TMOD1: variants seen among roughly 807,000 people sequenced by gnomAD.
TMOD1 encodes tropomodulin-1.
Under a neutral mutation model 40.6 loss-of-function variants are expected in TMOD1, and 17 were observed. That is an observed-to-expected ratio of 0.42 (90% CI 0.29 to 0.63). The LOEUF is 0.63. Among genes scored for constraint, TMOD1 ranks in the 20% least tolerant of loss-of-function variants. TMOD1 has a pLI of 0.22. For missense variants in TMOD1, 391 were observed against 447.6 expected, an observed-to-expected ratio of 0.87 and a Z score of 1.14; for synonymous variants, 181 against 175.0, an observed-to-expected ratio of 1.03 and a Z score of -0.27.
chr9:97,589,978 GT>G (rs897748413), intron 8 of TMOD1, among the ~76,000 whole-genome samples: 14 of 151,586 alleles, frequency 9.2e-5, no homozygotes, highest in Admixed American at 2.0e-4. Flanking sequence ...ATACTTAAAA[GT>G]TTTTTTTCTG....
At chr9:97,526,675 C>T (rs1168691597) in intron 2 of TMOD1, among the ~76,000 whole-genome samples, 1 of 152,036 alleles carries the variant, frequency 6.6e-6, no homozygotes, top group Admixed American at 6.6e-5. Context: ...GCTAACATCC[C>T]GGGAGCACAG....
chr9:97,595,020 A>G (rs930997137), intron 9 of TMOD1, among the ~76,000 whole-genome samples: 1 of 152,228 alleles, frequency 6.6e-6, no homozygotes, highest in Non-Finnish European at 1.5e-5. Flanking sequence ...ACCATTTTAC[A>G]GTATTCTCAG....
At chr9:97,547,760 T>G (rs905255724) in intron 3 of TMOD1, among the ~76,000 whole-genome samples, 1 of 152,162 alleles carries the variant, frequency 6.6e-6, no homozygotes, top group Non-Finnish European at 1.5e-5. Flanking sequence ...TGTGTGTCCT[T>G]CAGAGCAACT....
intron 1 of TMOD1, among the ~76,000 whole-genome samples, chr9:97,504,674 G>A (rs1017786400): frequency 3.9e-5 from 6 of 152,180 alleles, no homozygotes; most frequent in Non-Finnish European, 1.5e-5. Context: ...CAGTATCTGC[G>A]ATGGAGGATG....
At chr9:97,540,426 GGTTCCACCCTT>G (rs1288901666) in intron 2 of TMOD1, among the ~76,000 whole-genome samples, 1 of 152,058 alleles carries the variant, frequency 6.6e-6, no homozygotes, top group Non-Finnish European at 1.5e-5. Flanking sequence ...ATCAGATCAG[GGTTCCACCCTT>G]ATGACCTCAT....
chr9:97,553,244 C>T (rs1491002482), intron 3 of TMOD1, 37 bp from the exon 4 acceptor site: 2 of 1,612,282 alleles, frequency 1.2e-6, no homozygotes, highest in East Asian at 2.2e-5. Flanking sequence ...TGTTCCATTG[C>T]AGCCACTCCC....
intron 4 of TMOD1, chr9:97,555,691 C>T (rs761714651): frequency 6.4e-7 from 1 of 1,550,648 alleles, no homozygotes. Context: ...TTTTGACCAC[C>T]TACCATGTCC....
intron 1 of TMOD1, among the ~76,000 whole-genome samples, chr9:97,512,276 G>A (rs1829716446): frequency 6.6e-6 from 1 of 152,220 alleles, no homozygotes; most frequent in Non-Finnish European, 1.5e-5. Context: ...ACCAAGTGTT[G>A]ACAAGGTTGT....
At chr9:97,569,488 G>A (rs73656827) in intron 8 of TMOD1, among the ~76,000 whole-genome samples, 27,412 of 152,070 alleles carry the variant, frequency 0.18, 3,018 homozygotes, top group East Asian at 0.47. Flanking sequence ...CATTCAATGC[G>A]GCTTTTGAAT....
chr9:97,550,279 A>G (rs751004363), intron 3 of TMOD1, among the ~76,000 whole-genome samples: 4 of 152,226 alleles, frequency 2.6e-5, no homozygotes, highest in Non-Finnish European at 4.4e-5. Flanking sequence ...TCCACTGGTA[A>G]ACAGTCAGTT....
chr9:97,508,310 T>G (rs1328154995), intron 1 of TMOD1, among the ~76,000 whole-genome samples: 1 of 151,964 alleles, frequency 6.6e-6, no homozygotes, highest in African/African-American at 2.4e-5. Context: ...TATCTCAGCC[T>G]CCCGAGTAGC....
intron 2 of TMOD1, among the ~76,000 whole-genome samples, chr9:97,542,746 G>A (rs894884254): frequency 6.6e-6 from 1 of 151,926 alleles, no homozygotes; most frequent in Non-Finnish European, 1.5e-5. Flanking sequence ...CCAGCTACTG[G>A]GGAGGCTGAG....
chr9:97,553,508 C>A (rs972649866), intron 4 of TMOD1, 108 bp downstream of exon 4: 6 of 1,450,310 alleles, frequency 4.1e-6, no homozygotes, highest in Non-Finnish European at 5.7e-6. Flanking sequence ...CTATTTCTAA[C>A]AAGAACTAGA....
At chr9:97,545,010 C>CAAA (rs3052089) in intron 2 of TMOD1, among the ~76,000 whole-genome samples, 9,895 of 82,600 alleles carry the variant, frequency 0.12, 590 homozygotes, top group African/African-American at 0.25. Flanking sequence ...GAGTCCATCT[C>CAAA]AAAAAAAAAA....
At chr9:97,508,056 T>TAC (rs1829618692) in intron 1 of TMOD1, among the ~76,000 whole-genome samples, 1 of 96,066 alleles carries the variant, frequency 1.0e-5, no homozygotes, top group African/African-American at 4.2e-5. Flanking sequence ...ATCTTCCTGA[T>TAC]TCACACACAC....
intron 2 of TMOD1, among the ~76,000 whole-genome samples, chr9:97,543,848 A>G (rs923879276): frequency 1.3e-5 from 2 of 152,268 alleles, no homozygotes; most frequent in Non-Finnish European, 1.5e-5. Flanking sequence ...CCACAGAAGC[A>G]TGGCTCACCT....
At chr9:97,578,739 A>T (rs1825674811) in intron 8 of TMOD1, among the ~76,000 whole-genome samples, 1 of 152,130 alleles carries the variant, frequency 6.6e-6, no homozygotes, top group South Asian at 2.1e-4. Context: ...GACAGGTCGA[A>T]TGGGGGCAAT....
chr9:97,517,227 G>A (rs1829825107), intron 1 of TMOD1, among the ~76,000 whole-genome samples: 1 of 151,988 alleles, frequency 6.6e-6, no homozygotes, highest in Admixed American at 6.6e-5. Context: ...ATGCACCCCT[G>A]TAGTCCCAGC....
chr9:97,590,093 C>T (rs1193682403), intron 8 of TMOD1, among the ~76,000 whole-genome samples: 1 of 151,384 alleles, frequency 6.6e-6, no homozygotes, highest in African/African-American at 2.4e-5. Context: ...AATATTGGTT[C>T]ATGGCCATCT....
Sources: allele counts gnomAD v4.1 joint callset (sites outside exome capture counted in the v4.1 genomes callset), GRCh38; gene constraint gnomAD v4.1.1; transcripts MANE v1.5; gene names NCBI Gene and HGNC (gene_info 2026-07-23, HGNC 2026-07-21).